Variants in SLC71A1 observed in about 807,000 individuals in gnomAD.
SLC71A1 encodes hippocampus abundant gene transcript 1.
At chr1:100,076,816 G>A in the SLC71A1 span, among the ~76,000 whole-genome samples, 2 of 152,150 alleles carry the variant, frequency 1.3e-5, no homozygotes, top group Admixed American at 6.5e-5. Context: ...AGACTAACTT[G>A]GACCTAAACA....
At chr1:100,058,628 TA>T in the SLC71A1 span, 5 of 1,065,068 alleles carry the variant, frequency 4.7e-6, no homozygotes, top group Non-Finnish European at 7.3e-6. Context: ...AAGACTGAAA[TA>T]TAGCATGTGA....
the SLC71A1 span, among the ~76,000 whole-genome samples, chr1:100,070,652 A>C: frequency 6.6e-6 from 1 of 152,242 alleles, no homozygotes; most frequent in African/African-American, 2.4e-5. Context: ...CAATAAGAAT[A>C]CTATCTTTTT....
the SLC71A1 span, chr1:100,050,127 A>G: frequency 1.7e-6 from 1 of 578,324 alleles, no homozygotes; most frequent in East Asian, 3.0e-5. Context: ...TTCAGTATTC[A>G]CCAGTATTTT....
chr1:100,038,878 C>T, the SLC71A1 span, among the ~76,000 whole-genome samples: 62 of 152,338 alleles, frequency 4.1e-4, no homozygotes, highest in Non-Finnish European at 6.9e-4. Context: ...AAACCCTGAC[C>T]GGAGATGGGC....
chr1:100,039,402 C>G, the SLC71A1 span, among the ~76,000 whole-genome samples: 1 of 152,114 alleles, frequency 6.6e-6, no homozygotes, highest in African/African-American at 2.4e-5. Flanking sequence ...AAAAACGTGA[C>G]AAAATTTTAT....
At chr1:100,075,404 C>T in the SLC71A1 span, among the ~76,000 whole-genome samples, 1 of 152,202 alleles carries the variant, frequency 6.6e-6, no homozygotes, top group East Asian at 1.9e-4. Context: ...TAAAGAATCA[C>T]AGCTTTTTAG....
chr1:100,067,983 G>A, the SLC71A1 span: 1 of 1,613,982 alleles, frequency 6.2e-7, no homozygotes. Flanking sequence ...GCAGGTTTCA[G>A]CAACATTTGC....
the SLC71A1 span, among the ~76,000 whole-genome samples, chr1:100,081,197 G>T: frequency 6.6e-6 from 1 of 152,108 alleles, no homozygotes. Flanking sequence ...AAAACTGGCA[G>T]TGCAAGCTTC....
the SLC71A1 span, among the ~76,000 whole-genome samples, chr1:100,044,878 C>G: frequency 2.0e-5 from 3 of 152,142 alleles, no homozygotes; most frequent in Admixed American, 6.5e-5. Flanking sequence ...TATTTTTATA[C>G]CAGTACCATG....
At chr1:100,068,553 C>T in the SLC71A1 span, 1 of 1,612,924 alleles carries the variant, frequency 6.2e-7, no homozygotes, top group Middle Eastern at 1.7e-4. Flanking sequence ...CGGAGGCAGG[C>T]CAATATTCCA....
chr1:100,071,289 C>CAAA, the SLC71A1 span, among the ~76,000 whole-genome samples: 91 of 53,348 alleles, frequency 1.7e-3, no homozygotes, highest in Admixed American at 2.1e-3. Context: ...CCATCTCTAC[C>CAAA]AAAAAAAAAA....
the SLC71A1 span, among the ~76,000 whole-genome samples, chr1:100,044,702 G>C: frequency 6.6e-6 from 1 of 151,938 alleles, no homozygotes; most frequent in African/African-American, 2.4e-5. Context: ...ATTTTTAGTA[G>C]AGACGAGTTT....
At chr1:100,059,861 TC>T in the SLC71A1 span, 2 of 1,592,944 alleles carry the variant, frequency 1.3e-6, no homozygotes, top group Non-Finnish European at 1.7e-6. Flanking sequence ...TTCATTTTTT[TC>T]ATTTAATTTT....
the SLC71A1 span, among the ~76,000 whole-genome samples, chr1:100,059,144 G>GTGTTTTTTTTTTTTTTTTTTTT: frequency 1.3e-5 from 1 of 75,416 alleles, no homozygotes; most frequent in African/African-American, 5.9e-5. Context: ...TCTTTTTCGT[G>GTGTTTTTTTTTTTTTTTTTTTT]TTTTTTTTTT....
chr1:100,040,241 C>A, the SLC71A1 span, among the ~76,000 whole-genome samples: 2 of 152,126 alleles, frequency 1.3e-5, no homozygotes, highest in Non-Finnish European at 2.9e-5. Context: ...CTAGCACATT[C>A]CTAGATGAAT....
At chr1:100,052,387 T>A in the SLC71A1 span, among the ~76,000 whole-genome samples, 1 of 152,124 alleles carries the variant, frequency 6.6e-6, no homozygotes, top group Non-Finnish European at 1.5e-5. Flanking sequence ...AAGGCTTGTT[T>A]ATTCATTTTT....
At chr1:100,067,047 A>C in the SLC71A1 span, among the ~76,000 whole-genome samples, 1 of 149,362 alleles carries the variant, frequency 6.7e-6, no homozygotes, top group Non-Finnish European at 1.5e-5. Context: ...TGTGTTGCCC[A>C]GGCTGGTCAC....
At chr1:100,038,238 C>T in the SLC71A1 span, 1 of 1,557,142 alleles carries the variant, frequency 6.4e-7, no homozygotes, top group South Asian at 1.2e-5. Flanking sequence ...GTAAAATGAC[C>T]CAGGGGAAGA....
the SLC71A1 span, among the ~76,000 whole-genome samples, chr1:100,063,553 T>G: frequency 6.6e-6 from 1 of 151,778 alleles, no homozygotes; most frequent in Non-Finnish European, 1.5e-5. Context: ...CCCAGCACTT[T>G]GGGAGGCTGA....
Sources: gnomAD v4.1 joint callset for allele counts (sites outside exome capture counted in the v4.1 genomes callset) on GRCh38, gnomAD v4.1.1 for gene constraint, MANE v1.5 for transcripts, NCBI Gene and HGNC (gene_info 2026-07-23, HGNC 2026-07-21) for gene names.